ITGAM: variants seen among roughly 807,000 people sequenced by gnomAD.
ITGAM encodes the protein integrin alpha-M.
In ITGAM, 79 loss-of-function variants were observed where a neutral mutation model predicts 137.5. The observed-to-expected ratio is 0.57, with a 90% CI of 0.48 to 0.69. ITGAM has a LOEUF of 0.69. Among genes scored for constraint, ITGAM ranks in the 30% least tolerant of loss-of-function variants. ITGAM has a pLI of 0.00. For synonymous variants in ITGAM, 583 were observed against 592.3 expected (o/e 0.98, Z 0.23); for missense variants, 1,343 against 1,483.5 (o/e 0.91, Z 1.56).
chr16:31,271,153 C>T, intron 6 of ITGAM, 69 bp downstream of exon 6: 1 of 1,296,802 alleles, frequency 7.7e-7, no homozygotes, highest in South Asian at 2.1e-5. Flanking sequence ...ACCGGGCCAC[C>T]ATGTTCTCCT....
At chr16:31,321,190 C>A in intron 14 of ITGAM, 51 bp from the exon 15 acceptor site, 1 of 1,604,484 alleles carries the variant, frequency 6.2e-7, no homozygotes, top group Non-Finnish European at 8.5e-7. Context: ...AGTTATACAT[C>A]TCCTGTCTTT....
chr16:31,331,316 C>T (rs1446955134), intron 29 of ITGAM, 41 bp downstream of exon 29: 1 of 1,119,152 alleles, frequency 8.9e-7, no homozygotes, highest in South Asian at 1.3e-5. Flanking sequence ...TTCATCCTCT[C>T]GGGCCTCGCG....
chr16:31,278,192 A>C, intron 12 of ITGAM, 83 bp downstream of exon 12: 1 of 1,409,692 alleles, frequency 7.1e-7, no homozygotes, highest in Non-Finnish European at 9.6e-7. Context: ...TTCAGATGAC[A>C]TGCATGGCCC....
At chr16:31,321,992 T>C (rs1213021665) in intron 16 of ITGAM, among the ~76,000 whole-genome samples, 1 of 152,232 alleles carries the variant, frequency 6.6e-6, no homozygotes, top group Non-Finnish European at 1.5e-5. Flanking sequence ...ACGCATTTTA[T>C]CACCAGTGAC....
chr16:31,275,791 C>G, intron 9 of ITGAM, 92 bp downstream of exon 9: 1 of 1,268,984 alleles, frequency 7.9e-7, no homozygotes, highest in African/African-American at 1.5e-5. Flanking sequence ...CTTCCTAACC[C>G]TTGGTATCCC....
chr16:31,272,459 ATATATTTTTTTTTTTTTTTTTT>A (rs2079860440), intron 7 of ITGAM, among the ~76,000 whole-genome samples: 1 of 10,380 alleles, frequency 9.6e-5, no homozygotes, highest in Admixed American at 2.1e-3. Flanking sequence ...ATATATATAT[ATATATTTTTTTTTTTTTTTTTT>A]TTTTTTTTTT....
At chr16:31,277,872 G>C in intron 11 of ITGAM, 95 bp from the exon 12 acceptor site, 1 of 1,297,544 alleles carries the variant, frequency 7.7e-7, no homozygotes, top group Non-Finnish European at 1.1e-6. Flanking sequence ...CACAGCAAGC[G>C]TGGGGCTGCC....
At chr16:31,330,636 G>A (rs775796504) in intron 28 of ITGAM, 31 bp downstream of exon 28, 8 of 1,497,542 alleles carry the variant, frequency 5.3e-6, no homozygotes, top group Non-Finnish European at 7.3e-6. Flanking sequence ...GGAACTATTG[G>A]AGGGAGAGGG....
At chr16:31,261,544 A>ATC (rs2079699523) in intron 1 of ITGAM, 148 bp from the exon 2 acceptor site, 1 of 472,486 alleles carries the variant, frequency 2.1e-6, no homozygotes, top group African/African-American at 2.0e-5. Context: ...TTGAGATAGG[A>ATC]TCTCTCTCTG....
At position 31,285,014 on chromosome 16, in the gene ITGAM, C is replaced by T. The variant is rs573206192; in HGVS notation, c.1356+6905C>T. Among the ~76,000 whole-genome samples, 237 of 152,206 alleles carry T rather than the reference C, an allele frequency of 1.6e-3. 10 individuals are homozygous for T. In the South Asian group the frequency reaches 0.021, roughly 13 times the overall value. ...CAGTCAGGAGCTACAGCAAGACTCA[C>T]GTCTCCAAAAACTGAGCTCCCCGAG... On this transcript the variant is annotated intron_variant, in intron 12 of 29. Transcript: ENST00000544665.
chr16:31,280,112 C>A (rs1264024049), intron 12 of ITGAM, among the ~76,000 whole-genome samples: 1 of 152,102 alleles, frequency 6.6e-6, no homozygotes, highest in Non-Finnish European at 1.5e-5. Flanking sequence ...GTTTTGGTAC[C>A]AGTACCATGC....
chr16:31,328,966 G>T, intron 23 of ITGAM: 1 of 570,646 alleles, frequency 1.8e-6, no homozygotes, highest in Non-Finnish European at 3.1e-6. Context: ...GCGTGTGTGT[G>T]TCTGAGGGTC....
intron 5 of ITGAM, among the ~76,000 whole-genome samples, chr16:31,266,638 A>G (rs953682561): frequency 6.6e-6 from 1 of 151,664 alleles, no homozygotes; most frequent in African/African-American, 2.4e-5. Context: ...TGAGCCTGGG[A>G]AGTTGAAGCT....
rs374020608 is a variant in ITGAM, at chr16:31,297,546, C to T, written c.1389C>T (p.Ser463=). The T allele has an allele frequency of 8.7e-6, 14 of 1,612,078 alleles. No individual in the cohort carries two copies. Among genetic ancestry groups the T allele is most frequent in the East Asian group, 2.2e-5 (1 of 44,888 alleles). Residue 463 remains serine, a synonymous_variant, in exon 13 of 30, where the codon TCC becomes TCT. Transcript: ENST00000544665. ...IGAYFGASLC[S]VDVDSNGSTD... ...CCTACTTCGGGGCCTCCCTCTGCTC[C>T]GTGGACGTGGACAGCAACGGCAGCA...
intron 24 of ITGAM, among the ~76,000 whole-genome samples, 155 bp downstream of exon 24, chr16:31,329,458 G>T (rs1020806012): frequency 6.6e-6 from 1 of 152,110 alleles, no homozygotes; most frequent in Non-Finnish European, 1.5e-5. Context: ...ACACATACAC[G>T]CACGTATGTA....
chr16:31,309,979 C>A (rs1280916823), intron 14 of ITGAM, among the ~76,000 whole-genome samples: 1 of 151,784 alleles, frequency 6.6e-6, no homozygotes, highest in Non-Finnish European at 1.5e-5. Flanking sequence ...TGAATATTGG[C>A]CCCCACTCTC....
chr16:31,308,336 T>G (rs1040931807), intron 14 of ITGAM, among the ~76,000 whole-genome samples: 1 of 152,188 alleles, frequency 6.6e-6, no homozygotes, highest in Non-Finnish European at 1.5e-5. Flanking sequence ...AGTCTGTTAT[T>G]GGTCTATTCA....
chr16:31,326,882 A>T lies in ITGAM; in HGVS notation c.2655A>T (p.Val885=). The T allele has an allele frequency of 1.2e-6, 2 of 1,612,888 alleles. No individual in the cohort carries two copies. Among genetic ancestry groups the T allele is most frequent in the Non-Finnish European group, 1.7e-6 (2 of 1,178,900 alleles). ...SEVTFNITFD[V]DSKASLGNKL... ...TCACCTTTAATATCACGTTTGATGTAGACTCTAAGGCTTCCCTTGGAAACA... is the reference window on the plus strand; with the variant it reads ...TCACCTTTAATATCACGTTTGATGTTGACTCTAAGGCTTCCCTTGGAAACA... The change falls in exon 22 of 30, where the codon GTA becomes GTT. Residue 885 remains valine (V), a synonymous_variant. Coordinates refer to ENST00000544665, the MANE Select transcript of ITGAM (RefSeq NM_000632.4).
intron 12 of ITGAM, among the ~76,000 whole-genome samples, chr16:31,278,980 A>ATT (rs111746313): frequency 0.17 from 26,476 of 152,132 alleles, 2,862 homozygotes; most frequent in African/African-American, 0.3. Flanking sequence ...GAGTGAGAAC[A>ATT]TGCAGTGTTT....
Sources: allele counts gnomAD v4.1 joint callset (sites outside exome capture counted in the v4.1 genomes callset), GRCh38; gene constraint gnomAD v4.1.1; transcripts MANE v1.5; gene names NCBI Gene and HGNC (gene_info 2026-07-23, HGNC 2026-07-21).